The following COQ3 variants were observed in gnomAD, a reference collection of about 807,000 sequenced individuals.
The protein encoded by COQ3 is coenzyme Q3, methyltransferase, also known as ubiquinone biosynthesis O-methyltransferase, mitochondrial.
Under a neutral mutation model 33.1 loss-of-function variants are expected in COQ3, and 29 were observed. That is an observed-to-expected ratio of 0.88 (90% CI 0.65 to 1.19). The LOEUF is 1.19. Ranked by LOEUF, COQ3 falls within the 50% of genes most tolerant of loss-of-function variation. The pLI, the probability that COQ3 is intolerant of heterozygous loss-of-function variation, is 0.00. For synonymous variants in COQ3, 173 were observed against 157.8 expected, an observed-to-expected ratio of 1.10 and a Z score of -0.72; for missense variants, 437 against 430.7, an observed-to-expected ratio of 1.01 and a Z score of -0.13.
chr6:99,385,717 C>T (rs1774607286), intron 1 of COQ3, among the ~76,000 whole-genome samples: 1 of 151,892 alleles, frequency 6.6e-6, no homozygotes, highest in Admixed American at 6.6e-5. Flanking sequence ...CCTGTAATCC[C>T]AGCACTTTGG....
At chr6:99,371,146 A>G (rs1774131486) in intron 6 of COQ3, among the ~76,000 whole-genome samples, 1 of 152,218 alleles carries the variant, frequency 6.6e-6, no homozygotes. Flanking sequence ...AGACATTTGT[A>G]TCTCTTTCCT....
At chr6:99,372,688 T>C (rs1244740144) in intron 5 of COQ3, among the ~76,000 whole-genome samples, 2 of 152,156 alleles carry the variant, frequency 1.3e-5, no homozygotes, top group South Asian at 4.1e-4. Flanking sequence ...AGTGCTGGGA[T>C]TACAGGCATG....
chr6:99,387,364 CTG>C (rs1774680843), intron 1 of COQ3, among the ~76,000 whole-genome samples: 2 of 152,064 alleles, frequency 1.3e-5, no homozygotes, highest in South Asian at 4.1e-4. Context: ...GATGGGAAGA[CTG>C]TTTGAGCCTG....
intron 5 of COQ3, among the ~76,000 whole-genome samples, chr6:99,375,118 C>T (rs9494251): frequency 0.025 from 3,810 of 151,426 alleles, 183 homozygotes; most frequent in African/African-American, 0.088. Context: ...TACAGGCATG[C>T]GCCACCACGC....
At chr6:99,393,043 CAT>C (rs938292474) in intron 1 of COQ3, among the ~76,000 whole-genome samples, 12 of 151,968 alleles carry the variant, frequency 7.9e-5, no homozygotes, top group East Asian at 1.9e-4. Context: ...ATAAAAGACA[CAT>C]GTTTACTAAA....
intron 1 of COQ3, among the ~76,000 whole-genome samples, chr6:99,387,639 T>C (rs1457574323): frequency 6.6e-6 from 1 of 152,226 alleles, no homozygotes; most frequent in Non-Finnish European, 1.5e-5. Context: ...TAGTACTTTA[T>C]GATGAAAGAC....
chr6:99,389,194 CTCACTGCAA>C (rs975341493), intron 1 of COQ3, among the ~76,000 whole-genome samples: 1 of 152,184 alleles, frequency 6.6e-6, no homozygotes, highest in Non-Finnish European at 1.5e-5. Context: ...ATGATCTCAG[CTCACTGCAA>C]TCTCTGCCTC....
At chr6:99,384,767 T>G (rs1262228519) in intron 1 of COQ3, among the ~76,000 whole-genome samples, 1 of 151,994 alleles carries the variant, frequency 6.6e-6, no homozygotes, top group Non-Finnish European at 1.5e-5. Context: ...AGAGGGGCAT[T>G]ACATCACAAT....
chr6:99,388,879 T>G (rs1293626102), intron 1 of COQ3, among the ~76,000 whole-genome samples: 1 of 126,060 alleles, frequency 7.9e-6, no homozygotes, highest in East Asian at 2.2e-4. Context: ...AATAAAACAC[T>G]AATGTATACA....
chr6:99,385,813 C>T (rs778241628), intron 1 of COQ3, among the ~76,000 whole-genome samples: 4 of 151,374 alleles, frequency 2.6e-5, no homozygotes, highest in Non-Finnish European at 5.9e-5. Flanking sequence ...CCTGTCTCTA[C>T]TAAAAATACA....
chr6:99,378,159 TAGAGAG>T (rs10542899), intron 3 of COQ3, among the ~76,000 whole-genome samples: 9 of 43,156 alleles, frequency 2.1e-4, no homozygotes, highest in African/African-American at 2.8e-4. Flanking sequence ...TATATATATT[TAGAGAG>T]AGAGAGAGAG....
intron 1 of COQ3, among the ~76,000 whole-genome samples, chr6:99,391,119 G>T (rs1774816629): frequency 9.6e-6 from 1 of 104,132 alleles, no homozygotes; most frequent in African/African-American, 3.4e-5. Context: ...TTATTTATGA[G>T]ACAGGGTCTC....
At chr6:99,380,079 CTT>C (rs1039043410) in intron 3 of COQ3, 108 bp downstream of exon 3, 7 of 982,042 alleles carry the variant, frequency 7.1e-6, no homozygotes, top group Admixed American at 5.5e-5. Context: ...CCAAAGCAAA[CTT>C]AATGTGCAGC....
Position 99,369,832 on chromosome 6 carries a change from A to C in COQ3, c.890-12T>G, listed in dbSNP as rs770105813. The C allele has an allele frequency of 4.0e-6, 6 of 1,512,974 alleles. No homozygotes were observed. In the African/African-American group the frequency reaches 8.4e-5, roughly 21 times the overall value. 93.7% of individuals were successfully genotyped at this position (1,512,974 alleles called of 1,614,324 possible). The stretch of plus-strand genomic sequence containing the variant: ...AACTGACAGACCATCTGAAAAAAAA[A>C]AAAATCAGAAAGAGTAGATTTAATA... On this transcript the variant is annotated splice_polypyrimidine_tract_variant and intron_variant, in intron 6 of 6. Coordinates refer to ENST00000254759, the MANE Select transcript of COQ3 (RefSeq NM_017421.4).
chr6:99,382,637 C>T (rs1343792529), intron 2 of COQ3, among the ~76,000 whole-genome samples: 1 of 152,048 alleles, frequency 6.6e-6, no homozygotes, highest in Non-Finnish European at 1.5e-5. Flanking sequence ...GGCTCATTTA[C>T]AAGGAGGAAC....
At chr6:99,392,492 G>T (rs147678795) in intron 1 of COQ3, among the ~76,000 whole-genome samples, 6 of 152,120 alleles carry the variant, frequency 3.9e-5, no homozygotes, top group Admixed American at 2.0e-4. Context: ...GGCCAAAAAG[G>T]CCTCTTCCTC....
chr6:99,373,377 G>A (rs1774194429), intron 5 of COQ3, among the ~76,000 whole-genome samples: 1 of 152,052 alleles, frequency 6.6e-6, no homozygotes, highest in East Asian at 1.9e-4. Flanking sequence ...GTTTTAGTGA[G>A]CTATGATGGT....
chr6:99,377,503 A>C lies in COQ3; in HGVS notation c.387-18T>G. ...GATTGTCCCTTTTTTAAAAAATTCA[A>C]AACATACCAAAACAAATAATTAATT... On this transcript the variant is annotated intron_variant, in intron 3 of 6. Transcript: ENST00000254759. 6.6e-7 allele frequency: 1 copy of C among 1,520,950 alleles called. No individual in the cohort carries two copies. The highest frequency in any genetic ancestry group is 9.0e-7 in the Non-Finnish European group (1 of 1,107,446). 94.2% of individuals were successfully genotyped at this position (1,520,950 alleles called of 1,614,324 possible). A position where few individuals can be genotyped will look rare whatever the true frequency, so the allele number is the denominator to read the frequency against.
intron 5 of COQ3, among the ~76,000 whole-genome samples, chr6:99,372,537 C>T (rs902073558): frequency 3.3e-5 from 5 of 152,010 alleles, no homozygotes; most frequent in African/African-American, 1.2e-4. Context: ...CCTGCCTCAG[C>T]CTCCCAAGTA....
Sources: allele counts gnomAD v4.1 joint callset (sites outside exome capture counted in the v4.1 genomes callset), GRCh38; gene constraint gnomAD v4.1.1; transcripts MANE v1.5; gene names NCBI Gene and HGNC (gene_info 2026-07-23, HGNC 2026-07-21).